UGT1A8: variants seen among roughly 807,000 people sequenced by gnomAD.
The protein encoded by UGT1A8 is UDP glucuronosyltransferase family 1 member A8.
In UGT1A8, 39 loss-of-function variants were observed where a neutral mutation model predicts 45.3. The ratio of observed to expected loss-of-function variants is 0.86; its 90% CI spans 0.67 to 1.12. UGT1A8 has a LOEUF of 1.12. UGT1A8 is among the 50% of genes most tolerant of loss of function. The probability of loss-of-function intolerance (pLI) is 0.00; values close to 1 mark genes in which losing one functional copy is unlikely to be tolerated. For synonymous variants in UGT1A8, 275 were observed against 249.2 expected, an observed-to-expected ratio of 1.10 and a Z score of -0.97; for missense variants, 719 against 664.9, an observed-to-expected ratio of 1.08 and a Z score of -0.90.
chr2:233,625,785 A>C (rs1473212780), intron 1 of UGT1A8, among the ~76,000 whole-genome samples: 2 of 151,714 alleles, frequency 1.3e-5, no homozygotes, highest in African/African-American at 4.8e-5. Flanking sequence ...ACTATGGACT[A>C]CTAAAGGGGA....
At chr2:233,701,977 C>T (rs2125588404) in intron 1 of UGT1A8, among the ~76,000 whole-genome samples, 1 of 151,846 alleles carries the variant, frequency 6.6e-6, no homozygotes, top group East Asian at 1.9e-4. Context: ...TAGTAAAAGG[C>T]AAGAAATAAC....
At chr2:233,719,565 G>T in intron 1 of UGT1A8, 1 of 1,613,918 alleles carries the variant, frequency 6.2e-7, no homozygotes, top group South Asian at 1.1e-5. Context: ...GGTGGATCTT[G>T]TCAGCTATGC....
intron 1 of UGT1A8, among the ~76,000 whole-genome samples, chr2:233,669,226 G>C (rs1180001242): frequency 1.3e-5 from 2 of 151,486 alleles, no homozygotes; most frequent in African/African-American, 4.9e-5. Flanking sequence ...TTTGTAATAA[G>C]TCTTGAAATT....
chr2:233,653,103 A>T (rs1229252094), intron 1 of UGT1A8, among the ~76,000 whole-genome samples: 1 of 152,246 alleles, frequency 6.6e-6, no homozygotes, highest in Non-Finnish European at 1.5e-5. Flanking sequence ...CCACAGTCCC[A>T]AAAGACCTGA....
intron 1 of UGT1A8, among the ~76,000 whole-genome samples, chr2:233,625,852 A>G (rs2073076848): frequency 6.6e-6 from 1 of 151,906 alleles, no homozygotes; most frequent in Non-Finnish European, 1.5e-5. Flanking sequence ...TACTTGGGTG[A>G]TGGGAGCAAT....
At chr2:233,661,520 T>C (rs978042351) in intron 1 of UGT1A8, among the ~76,000 whole-genome samples, 3 of 152,122 alleles carry the variant, frequency 2.0e-5, no homozygotes, top group Admixed American at 6.6e-5. Context: ...GTGGAGTCCA[T>C]TGAGATTGAA....
chr2:233,634,649 A>T, intron 1 of UGT1A8, among the ~76,000 whole-genome samples: 1 of 151,784 alleles, frequency 6.6e-6, no homozygotes, highest in Non-Finnish European at 1.5e-5. Context: ...TGCTTTCCAT[A>T]TGCTTGGTAA....
chr2:233,688,357 ATGT>A (rs2074889587), intron 1 of UGT1A8, among the ~76,000 whole-genome samples: 1 of 152,188 alleles, frequency 6.6e-6, no homozygotes, highest in South Asian at 2.1e-4. Context: ...ATGAAAAATA[ATGT>A]TGTTGTGAAC....
At chr2:233,766,701 C>T (rs1699231181) in intron 1 of UGT1A8, among the ~76,000 whole-genome samples, 1 of 152,122 alleles carries the variant, frequency 6.6e-6, no homozygotes, top group Admixed American at 6.5e-5. Flanking sequence ...ATGCCTTGCT[C>T]TGTGTTCTCT....
intron 1 of UGT1A8, chr2:233,729,897 C>G: frequency 6.2e-7 from 1 of 1,613,908 alleles, no homozygotes; most frequent in Non-Finnish European, 8.5e-7. Context: ...TGTGGCTGTT[C>G]CGAGGGGACT....
intron 1 of UGT1A8, among the ~76,000 whole-genome samples, chr2:233,750,094 GAGAGCTC>G (rs2125902484): frequency 6.6e-6 from 1 of 152,024 alleles, no homozygotes; most frequent in South Asian, 2.1e-4. Context: ...GAACAGTTTG[GAGAGCTC>G]AGAAGAAGAC....
At chr2:233,619,153 A>G (rs1172717923) in intron 1 of UGT1A8, among the ~76,000 whole-genome samples, 1 of 152,158 alleles carries the variant, frequency 6.6e-6, no homozygotes, top group East Asian at 1.9e-4. Context: ...GTAAATTCTC[A>G]TACCTATTTT....
At chr2:233,767,976 C>G in intron 3 of UGT1A8, 40 bp downstream of exon 3, 1 of 1,614,042 alleles carries the variant, frequency 6.2e-7, no homozygotes. Context: ...AAACCAGGGT[C>G]AAATTAAGAA....
intron 1 of UGT1A8, chr2:233,672,219 T>C (rs536086355): frequency 2.5e-6 from 4 of 1,614,188 alleles, no homozygotes; most frequent in African/African-American, 1.3e-5. Flanking sequence ...CTTTTGCCCA[T>C]GCTCAATGGA....
chr2:233,755,767 T>C (rs1575738311), intron 1 of UGT1A8: 1 of 152,920 alleles, frequency 6.5e-6, no homozygotes, highest in African/African-American at 2.4e-5. Context: ...CTTTTGTTCA[T>C]CTGGATTATG....
intron 1 of UGT1A8, among the ~76,000 whole-genome samples, chr2:233,645,424 A>G (rs2073574049): frequency 6.6e-6 from 1 of 152,246 alleles, no homozygotes; most frequent in Non-Finnish European, 1.5e-5. Flanking sequence ...AAGTCTCAGC[A>G]TTAACTCAAA....
At chr2:233,671,479 T>C (rs531356885) in intron 1 of UGT1A8, among the ~76,000 whole-genome samples, 2 of 152,322 alleles carry the variant, frequency 1.3e-5, no homozygotes, top group East Asian at 3.9e-4. Context: ...AGGGCCTTGT[T>C]TTCTTTGCTT....
At chr2:233,765,660 C>G (rs1450693381) in intron 1 of UGT1A8, among the ~76,000 whole-genome samples, 1 of 151,428 alleles carries the variant, frequency 6.6e-6, no homozygotes, top group South Asian at 2.1e-4. Flanking sequence ...GTGCAGCAAA[C>G]CACCATGGCA....
rs1696611113 is a variant in UGT1A8 at position 233,757,545 on chromosome 2, T to TATAC, written c.856-9486_856-9485insCATA. 2.9e-4 allele frequency among the ~76,000 whole-genome samples: 19 copies of TATAC among 65,910 alleles called. 1 individual carries two copies. The highest frequency in any genetic ancestry group is 6.3e-4 in the African/African-American group (10 of 15,854). The allele number at this position is 65,910 out of a possible 152,430, so 43.2% of individuals were successfully genotyped here. On this transcript the variant is annotated intron_variant, in intron 1 of 4. Coordinates refer to ENST00000373450, the MANE Select transcript of UGT1A8 (RefSeq NM_019076.5). ...ATCTTGCCTGTAAGGAATATATATA[T>TATAC]ATATATATATATATATGTATATATG...
Sources: allele counts gnomAD v4.1 joint callset (sites outside exome capture counted in the v4.1 genomes callset), GRCh38; gene constraint gnomAD v4.1.1; transcripts MANE v1.5; gene names NCBI Gene and HGNC (gene_info 2026-07-23, HGNC 2026-07-21).